Variants in ALMS1 observed in about 807,000 individuals in gnomAD.
The protein encoded by ALMS1 is ALMS1 centrosome and basal body associated protein.
ALMS1 carries 271 observed loss-of-function variants against 352.2 expected under a neutral mutation model. The observed-to-expected ratio is 0.77, with a 90% CI of 0.70 to 0.85. The LOEUF (loss-of-function observed/expected upper bound fraction) is 0.85. Among genes scored for constraint, ALMS1 ranks in the 40% least tolerant of loss-of-function variants. The probability of loss-of-function intolerance (pLI) is 0.00; values close to 1 mark genes in which losing one functional copy is unlikely to be tolerated. For synonymous variants in ALMS1, 1,865 were observed against 1,761.2 expected (o/e 1.06, Z -1.48); for missense variants, 5,445 against 4,870.7 (o/e 1.12, Z -3.51).
intron 12 of ALMS1, among the ~76,000 whole-genome samples, chr2:73,548,376 G>A (rs761519115): frequency 5.3e-5 from 8 of 152,150 alleles, no homozygotes; most frequent in Non-Finnish European, 8.8e-5. Context: ...ATAAGTATAT[G>A]TACATTCACT....
intron 15 of ALMS1, among the ~76,000 whole-genome samples, chr2:73,568,992 C>CCTCTTTT (rs1558697963): frequency 7.5e-5 from 5 of 66,904 alleles, no homozygotes; most frequent in African/African-American, 2.6e-4. Context: ...GCTGCTTCTG[C>CCTCTTTT]TTCTTTTTTT....
Position 73,541,373 on chromosome 2 carries a change from G to A in ALMS1, c.9907+6424G>A, listed in dbSNP as rs145579488. Among the ~76,000 whole-genome samples, 7 of 152,348 alleles carry A rather than the reference G, an allele frequency of 4.6e-5. No individual in the cohort carries two copies. The East Asian group carries it at 1.3e-3, about 29-fold the overall frequency. On this transcript the variant is annotated intron_variant, in intron 12 of 22. Transcript: ENST00000613296. ...CAATCTCTGGAACACATTCAAAGCA[G>A]TGTGTAGAGGGAAATTTATAGCACT...
intron 1 of ALMS1, among the ~76,000 whole-genome samples, chr2:73,390,037 C>T (rs1228069169): frequency 2.0e-5 from 3 of 152,064 alleles, no homozygotes; most frequent in African/African-American, 7.2e-5. Flanking sequence ...TCTGAGAGCC[C>T]AGAGTATTTT....
At chr2:73,601,935 A>G (rs1302978554) in intron 19 of ALMS1, among the ~76,000 whole-genome samples, 7 of 152,226 alleles carry the variant, frequency 4.6e-5, no homozygotes, top group Non-Finnish European at 8.8e-5. Flanking sequence ...TGACATTTCA[A>G]AGAGTTGTAA....
chr2:73,481,893 T>C (rs1672714735), intron 9 of ALMS1, among the ~76,000 whole-genome samples: 1 of 151,228 alleles, frequency 6.6e-6, no homozygotes, highest in Non-Finnish European at 1.5e-5. Context: ...GTTGTTGGTG[T>C]ATAAGGATGC....
intron 10 of ALMS1, among the ~76,000 whole-genome samples, chr2:73,512,205 C>T (rs1321639825): frequency 6.6e-6 from 1 of 152,152 alleles, no homozygotes; most frequent in Non-Finnish European, 1.5e-5. Flanking sequence ...CTGCCTCAGC[C>T]TCCCGAGTAG....
intron 9 of ALMS1, among the ~76,000 whole-genome samples, chr2:73,472,374 T>G (rs1672485453): frequency 6.6e-6 from 1 of 152,024 alleles, no homozygotes; most frequent in African/African-American, 2.4e-5. Flanking sequence ...TTCTTTAGAG[T>G]AGAATATTTC....
intron 16 of ALMS1, among the ~76,000 whole-genome samples, chr2:73,585,387 A>G (rs992655205): frequency 1.4e-5 from 2 of 142,224 alleles, no homozygotes; most frequent in African/African-American, 5.4e-5. Context: ...ATTAATGATG[A>G]TGAGCTTTTT....
chr2:73,512,495 T>A (rs1673473730), intron 10 of ALMS1, among the ~76,000 whole-genome samples: 1 of 152,182 alleles, frequency 6.6e-6, no homozygotes, highest in Admixed American at 6.5e-5. Flanking sequence ...ATTTTTAATA[T>A]GCCCATTTAC....
intron 13 of ALMS1, among the ~76,000 whole-genome samples, chr2:73,554,433 T>C (rs940830198): frequency 2.6e-5 from 4 of 151,790 alleles, no homozygotes; most frequent in Non-Finnish European, 1.5e-5. Context: ...GGGCTGAGCG[T>C]GGTGGCTCAT....
intron 10 of ALMS1, among the ~76,000 whole-genome samples, chr2:73,514,295 A>G (rs557619967): frequency 5.9e-5 from 9 of 151,372 alleles, no homozygotes; most frequent in Non-Finnish European, 1.3e-4. Flanking sequence ...ATTCCATGCT[A>G]TTTTCTCTAT....
At chr2:73,540,634 A>C (rs1165323261) in intron 12 of ALMS1, among the ~76,000 whole-genome samples, 1 of 152,210 alleles carries the variant, frequency 6.6e-6, no homozygotes, top group Admixed American at 6.5e-5. Context: ...AACCCATCTC[A>C]TGTGCAGAGT....
chr2:73,510,017 A>G (rs924752546), intron 10 of ALMS1, among the ~76,000 whole-genome samples: 1 of 152,114 alleles, frequency 6.6e-6, no homozygotes, highest in Admixed American at 6.6e-5. Flanking sequence ...TCAGCTATTG[A>G]TACTTATGTA....
chr2:73,412,559 G>A (rs1426350892), intron 2 of ALMS1, among the ~76,000 whole-genome samples: 1 of 152,176 alleles, frequency 6.6e-6, no homozygotes, highest in Non-Finnish European at 1.5e-5. Context: ...GGAGGCCGAA[G>A]TGGGTGGATC....
At chr2:73,556,641 T>G (rs1372957714) in intron 13 of ALMS1, among the ~76,000 whole-genome samples, 43 of 133,464 alleles carry the variant, frequency 3.2e-4, no homozygotes, top group Admixed American at 1.1e-3. Context: ...TCCTTTTTTT[T>G]TTTGTTTTTT....
intron 13 of ALMS1, among the ~76,000 whole-genome samples, chr2:73,553,500 G>C (rs951066787): frequency 5.3e-5 from 8 of 152,168 alleles, no homozygotes; most frequent in Non-Finnish European, 7.3e-5. Context: ...TCTATTTGCA[G>C]CTATGAGGAT....
At chr2:73,430,990 A>G (rs1343654203) in intron 6 of ALMS1, among the ~76,000 whole-genome samples, 1 of 152,136 alleles carries the variant, frequency 6.6e-6, no homozygotes, top group Non-Finnish European at 1.5e-5. Context: ...ATTGAAAACT[A>G]TGAACTTTGT....
At chr2:73,400,041 C>T (rs1055358115) in intron 1 of ALMS1, among the ~76,000 whole-genome samples, 5 of 151,308 alleles carry the variant, frequency 3.3e-5, no homozygotes, top group South Asian at 2.1e-4. Flanking sequence ...AGGCTCAAGC[C>T]GTCCTCCTAC....
chr2:73,406,914 C>T (rs543900085), intron 1 of ALMS1, among the ~76,000 whole-genome samples: 39 of 152,276 alleles, frequency 2.6e-4, no homozygotes, highest in Middle Eastern at 3.4e-3. Flanking sequence ...CATGAGCCAC[C>T]GCACCTGGCC....
Sources: gnomAD v4.1 joint callset for allele counts (sites outside exome capture counted in the v4.1 genomes callset) on GRCh38, gnomAD v4.1.1 for gene constraint, MANE v1.5 for transcripts, NCBI Gene and HGNC (gene_info 2026-07-23, HGNC 2026-07-21) for gene names.